Variants in TBCEL observed in about 807,000 individuals in gnomAD.
TBCEL encodes the protein tubulin-specific chaperone cofactor E-like protein.
TBCEL carries 15 observed loss-of-function variants against 44.2 expected under a neutral mutation model. The ratio of observed to expected loss-of-function variants is 0.34; its 90% confidence interval spans 0.23 to 0.52. TBCEL has a LOEUF of 0.52. TBCEL is among the 20% of genes least tolerant of loss of function. The pLI, the probability that TBCEL is intolerant of heterozygous loss-of-function variation, is 0.95. For missense variants in TBCEL, 319 were observed against 506.3 expected, an observed-to-expected ratio of 0.63 and a Z score of 3.55; for synonymous variants, 171 against 185.4, an observed-to-expected ratio of 0.92 and a Z score of 0.63.
chr11:121,049,331 G>T (rs1213989491), intron 4 of TBCEL, among the ~76,000 whole-genome samples: 1 of 151,726 alleles, frequency 6.6e-6, no homozygotes, highest in Non-Finnish European at 1.5e-5. Context: ...TCCTAAGACA[G>T]ATTTCTTGTT....
At chr11:121,037,392 A>T (rs1591382412) in intron 2 of TBCEL, among the ~76,000 whole-genome samples, 1 of 152,202 alleles carries the variant, frequency 6.6e-6, no homozygotes, top group African/African-American at 2.4e-5. Flanking sequence ...ATATTACATA[A>T]TGCTCAAGGG....
intron 1 of TBCEL, among the ~76,000 whole-genome samples, chr11:121,029,924 T>C (rs1370816008): frequency 6.6e-6 from 1 of 152,168 alleles, no homozygotes; most frequent in Non-Finnish European, 1.5e-5. Flanking sequence ...AAAACTGAAC[T>C]GGACTGACAA....
At chr11:121,026,620 C>G (rs759095172) in intron 1 of TBCEL, among the ~76,000 whole-genome samples, 1 of 152,188 alleles carries the variant, frequency 6.6e-6, no homozygotes, top group Non-Finnish European at 1.5e-5. Flanking sequence ...CGAAAACATT[C>G]TATCATCTTT....
intron 2 of TBCEL, among the ~76,000 whole-genome samples, chr11:121,038,993 T>C (rs1182258726): frequency 6.6e-6 from 1 of 152,170 alleles, no homozygotes; most frequent in Non-Finnish European, 1.5e-5. Flanking sequence ...TTTTGACCTC[T>C]CTCTATTCTG....
intron 1 of TBCEL, among the ~76,000 whole-genome samples, chr11:121,035,030 T>C (rs555981980): frequency 6.6e-6 from 1 of 152,196 alleles, no homozygotes; most frequent in Non-Finnish European, 1.5e-5. Context: ...GCATAGTCCT[T>C]GGACCTAAAA....
intron 1 of TBCEL, among the ~76,000 whole-genome samples, chr11:121,034,514 G>A (rs1945197415): frequency 1.3e-5 from 2 of 152,058 alleles, no homozygotes; most frequent in Admixed American, 6.6e-5. Context: ...GAGTTTATTA[G>A]TCAATCTATT....
In TBCEL at chr11:121,047,508, T is replaced by G; in HGVS notation, c.134-20T>G. 6.2e-7 allele frequency: 1 copy of G among 1,609,876 alleles called. No homozygotes were observed. The highest frequency in any genetic ancestry group is 1.1e-5 in the South Asian group (1 of 90,898). On this transcript the variant is annotated intron_variant, in intron 3 of 8. Coordinates refer to ENST00000683345, the MANE Select transcript of TBCEL (RefSeq NM_001363644.2). ...GAATTTGGCTGATATAGAAAACATTTTGTGTCTCTCATCATTCAGATCGCC... is the reference window on the plus strand; with the variant it reads ...GAATTTGGCTGATATAGAAAACATTGTGTGTCTCTCATCATTCAGATCGCC...
intron 8 of TBCEL, among the ~76,000 whole-genome samples, chr11:121,071,698 A>G (rs1447223842): frequency 2.6e-5 from 4 of 152,110 alleles, no homozygotes. Flanking sequence ...TAAAATATGG[A>G]GAGTATGTTT....
intron 8 of TBCEL, among the ~76,000 whole-genome samples, chr11:121,068,068 C>A (rs766048275): frequency 6.6e-6 from 1 of 152,174 alleles, no homozygotes; most frequent in Non-Finnish European, 1.5e-5. Flanking sequence ...TTAGCCAGTC[C>A]CGAGGCTTTC....
chr11:121,072,484 G>A (rs1248799482), intron 8 of TBCEL, among the ~76,000 whole-genome samples: 26 of 151,820 alleles, frequency 1.7e-4, no homozygotes, highest in Non-Finnish European at 1.5e-5. Context: ...ACATAAAATT[G>A]GAATAGCTTT....
At chr11:121,053,788 T>C in intron 5 of TBCEL, 56 bp downstream of exon 5, 3 of 1,547,620 alleles carry the variant, frequency 1.9e-6, no homozygotes, top group Non-Finnish European at 2.6e-6. Context: ...TGTTAGTACA[T>C]AGGAGTACTG....
rs113123897 is a variant in TBCEL at position 121,082,020 on chromosome 11, A to G, written c.957-4758A>G. ...ACAAGTGGAAAGGAAGGTGCAGAAA[A>G]TGGTAATGGTGATGACACAAAATAA... On this transcript the variant is annotated intron_variant, in intron 8 of 8. Transcript: ENST00000683345. Among the ~76,000 whole-genome samples the G allele has an allele frequency of 3.9e-3, 589 of 152,372 alleles. 8 individuals carry two copies. Among genetic ancestry groups the G allele is most frequent in the African/African-American group, 0.012 (481 of 41,586 alleles).
chr11:121,034,740 G>T (rs1367156814), intron 1 of TBCEL, among the ~76,000 whole-genome samples: 1 of 151,998 alleles, frequency 6.6e-6, no homozygotes, highest in Admixed American at 6.6e-5. Flanking sequence ...GAAAAATAAG[G>T]GTATATTATT....
At chr11:121,084,932 TTTG>T (rs571879165) in intron 8 of TBCEL, among the ~76,000 whole-genome samples, 62 of 151,980 alleles carry the variant, frequency 4.1e-4, no homozygotes, top group African/African-American at 1.4e-3. Context: ...TTTGTTTTGC[TTTG>T]TTTTGTTTTA....
intron 8 of TBCEL, among the ~76,000 whole-genome samples, chr11:121,063,724 CT>C (rs945042825): frequency 6.6e-6 from 1 of 152,162 alleles, no homozygotes; most frequent in African/African-American, 2.4e-5. Context: ...CATTATTTGC[CT>C]TTTTTTCTTC....
chr11:121,035,312 T>C (rs888039186), intron 1 of TBCEL: 11 of 152,110 alleles, frequency 7.2e-5, no homozygotes, highest in African/African-American at 2.4e-4. Flanking sequence ...CTTAGAGAAC[T>C]TAAGTAACTT....
chr11:121,077,090 G>C (rs1027989592), intron 8 of TBCEL, among the ~76,000 whole-genome samples: 1 of 151,918 alleles, frequency 6.6e-6, no homozygotes, highest in Non-Finnish European at 1.5e-5. Flanking sequence ...TGCTTATAAA[G>C]GGATATTGGT....
intron 4 of TBCEL, among the ~76,000 whole-genome samples, chr11:121,048,707 A>T (rs1020937767): frequency 1.1e-4 from 16 of 151,924 alleles, no homozygotes; most frequent in Admixed American, 4.6e-4. Flanking sequence ...CCTAGAAACT[A>T]AAGTCTGACT....
At chr11:121,081,898 A>ATAT (rs1228392547) in intron 8 of TBCEL, among the ~76,000 whole-genome samples, 4 of 152,176 alleles carry the variant, frequency 2.6e-5, no homozygotes, top group Admixed American at 2.6e-4. Context: ...TTAATAGTGA[A>ATAT]TATTTCTCAG....
Sources: allele counts gnomAD v4.1 joint callset (sites outside exome capture counted in the v4.1 genomes callset), GRCh38; gene constraint gnomAD v4.1.1; transcripts MANE v1.5; gene names NCBI Gene and HGNC (gene_info 2026-07-23, HGNC 2026-07-21).